Variants in NFIX observed in about 807,000 individuals in gnomAD.
NFIX encodes nuclear factor I X, also known as nuclear factor 1 X-type.
A neutral mutation model predicts 53.3 loss-of-function variants in NFIX; 2 were observed. That is an observed-to-expected ratio of 0.04 (90% CI 0.02 to 0.12). NFIX has a LOEUF of 0.12. Ranked by LOEUF, NFIX falls within the 10% of genes least tolerant of loss-of-function variation. NFIX has a pLI of 1.00. For synonymous variants in NFIX, 244 were observed against 289.0 expected (o/e 0.84, Z 1.58); for missense variants, 310 against 674.5 (o/e 0.46, Z 5.99).
At chr19:13,010,903 C>T (rs2012306197) in intron 1 of NFIX, among the ~76,000 whole-genome samples, 1 of 152,236 alleles carries the variant, frequency 6.6e-6, no homozygotes, top group Non-Finnish European at 1.5e-5. Flanking sequence ...CCCCATATGT[C>T]CCTGGGGCAC....
rs2011535813 is a variant in NFIX at position 12,998,175 on chromosome 19, TTCCATCTC to T, written c.27+2314_27+2321del. On this transcript the variant is annotated intron_variant, in intron 1 of 10. Transcript: ENST00000592199. This position sits in a 1 kb window ranked among gnomAD's most constrained non-coding sequence, Gnocchi z 4.4. ...TCGGTCTCTGGTGTATTCTGCCCTT[TTCCATCTC>T]TCTTTCTCCATCTCTGTCCTTTTGT... Among the ~76,000 whole-genome samples the T allele has an allele frequency of 6.6e-6, 1 of 152,176 alleles. No individual in the cohort carries two copies. The highest frequency in any genetic ancestry group is 1.5e-5 in the Non-Finnish European group (1 of 68,038).
Position 13,061,923 on chromosome 19 carries a change from C to T in NFIX, c.560-11124C>T, listed in dbSNP as rs373897596. On this transcript the variant is annotated intron_variant, in intron 2 of 10. Transcript: ENST00000592199. ...CAGCAGCAAGTCTAGGATTTGGAGC[C>T]TAGGCTTCTGATTCCAGGCCCAGGG... Among the ~76,000 whole-genome samples the T allele has an allele frequency of 4.6e-5, 7 of 152,246 alleles. No individual in the cohort carries two copies. The East Asian group carries it at 9.6e-4, about 21-fold the overall frequency.
intron 2 of NFIX, among the ~76,000 whole-genome samples, chr19:13,042,935 C>T (rs896047027): frequency 6.6e-6 from 1 of 152,210 alleles, no homozygotes; most frequent in African/African-American, 2.4e-5. Flanking sequence ...AAACTTGACA[C>T]CCTCAGGCAG....
Position 13,090,738 on chromosome 19 carries a change from T to G in NFIX, c.1494+348T>G, listed in dbSNP as rs1233099680. Among the ~76,000 whole-genome samples the G allele has an allele frequency of 1.3e-5, 2 of 152,160 alleles. No individual in the cohort carries two copies. The highest frequency in any genetic ancestry group is 2.9e-5 in the Non-Finnish European group (2 of 68,016). On this transcript the variant is annotated intron_variant, in intron 10 of 10. Coordinates refer to ENST00000592199, the MANE Select transcript of NFIX (RefSeq NM_001365902.3). The surrounding 1 kb of genome is among the most constrained non-coding windows in gnomAD (Gnocchi z 6.6). ...AGGAGAATAGAGTCTGCCTCACTGCTTTCACCTGCCCCGACTGGAAGCCCC... is the reference window on the plus strand; with the variant it reads ...AGGAGAATAGAGTCTGCCTCACTGCGTTCACCTGCCCCGACTGGAAGCCCC...
In NFIX at chr19:13,095,286, C is replaced by T. The variant is rs971493216; in HGVS notation, c.*637C>T. ...GCAGCCTCCACTTACCCCACCCCAC[C>T]CTTGGGCTAAAAGCCCCCAGGCGGG... On this transcript the variant is annotated 3_prime_UTR_variant, in exon 11 of 11. Transcript: ENST00000592199. 2 of 152,304 alleles carry T rather than the reference C, an allele frequency of 1.3e-5. No individual in the cohort carries two copies. Among genetic ancestry groups the T allele is most frequent in the Non-Finnish European group, 2.9e-5 (2 of 68,162 alleles). The allele number at this position is 152,304 out of a possible 1,614,324, so 9.4% of individuals were successfully genotyped here.
intron 5 of NFIX, among the ~76,000 whole-genome samples, chr19:13,075,333 C>T (rs2145441237): frequency 6.6e-6 from 1 of 152,188 alleles, no homozygotes; most frequent in East Asian, 1.9e-4. Context: ...GGAAGAGGAG[C>T]AGGTTGAAGC....
rs1484494112 is a variant in NFIX at position 13,078,656 on chromosome 19, T to C, written c.999T>C (p.Ser333=). The C allele has an allele frequency of 1.9e-6, 3 of 1,600,474 alleles. No individual in the cohort carries two copies. Among genetic ancestry groups the C allele is most frequent in the Admixed American group, 3.4e-5 (2 of 58,290 alleles). ...AGTCAGGAAAGCTGGACTTCTGCAG[T>C]GCCCTCTCCTCTCAGGGCAGCTCCC... ...LKKSGKLDFC[S]ALSSQGSSPR... The change falls in exon 7 of 11, where the codon AGT becomes AGC. Residue 333 remains serine (S), a synonymous_variant. Coordinates refer to ENST00000592199, the MANE Select transcript of NFIX (RefSeq NM_001365902.3). The surrounding 1 kb of genome is among the most constrained non-coding windows in gnomAD (Gnocchi z 4.7).
chr19:13,026,601 C>T (rs535510717), intron 2 of NFIX, among the ~76,000 whole-genome samples: 2 of 152,254 alleles, frequency 1.3e-5, no homozygotes, highest in African/African-American at 2.4e-5. Flanking sequence ...TTAGCCTCCA[C>T]TCAGCTACGC....
At chr19:13,018,338 G>T (rs994590439) in intron 1 of NFIX, among the ~76,000 whole-genome samples, 1 of 69,926 alleles carries the variant, frequency 1.4e-5, no homozygotes, top group Admixed American at 1.2e-4. Context: ...GAAGGGGCGG[G>T]GGGGGGGGGG....
chr19:13,050,884 C>T (rs182661460), intron 2 of NFIX, among the ~76,000 whole-genome samples: 1 of 152,352 alleles, frequency 6.6e-6, no homozygotes, highest in East Asian at 1.9e-4. Flanking sequence ...TCCCTTCACT[C>T]CTCTAAGCAT....
intron 2 of NFIX, among the ~76,000 whole-genome samples, chr19:13,032,530 T>A (rs1250537721): frequency 1.3e-5 from 2 of 152,214 alleles, no homozygotes; most frequent in African/African-American, 4.8e-5. Flanking sequence ...TATTTTTCCT[T>A]TTTTGTCCCA....
intron 2 of NFIX, among the ~76,000 whole-genome samples, chr19:13,044,650 T>A (rs1439456470): frequency 6.6e-6 from 1 of 152,112 alleles, no homozygotes; most frequent in East Asian, 1.9e-4. Context: ...TCAGAGGGCG[T>A]GCATGCTTGT....
At chr19:13,074,846 G>A (rs1256187503) in intron 5 of NFIX, among the ~76,000 whole-genome samples, 3 of 151,902 alleles carry the variant, frequency 2.0e-5, no homozygotes, top group Non-Finnish European at 4.4e-5. Flanking sequence ...GAGATGGGCG[G>A]ATCACGAGGT....
chr19:13,019,136 TAAAG>T (rs1166760418), intron 1 of NFIX, among the ~76,000 whole-genome samples: 1 of 151,184 alleles, frequency 6.6e-6, no homozygotes, highest in Non-Finnish European at 1.5e-5. Context: ...TTTTTTAAGA[TAAAG>T]AAGGCTACTA....
Position 13,009,055 on chromosome 19 carries a change from C to T in NFIX, c.27+13191C>T, listed in dbSNP as rs922620355. Among the ~76,000 whole-genome samples the T allele has an allele frequency of 6.6e-6, 1 of 152,328 alleles. No homozygotes were observed. Among genetic ancestry groups the T allele is most frequent in the South Asian group, 2.1e-4 (1 of 4,828 alleles). On this transcript the variant is annotated intron_variant, in intron 1 of 10. Coordinates refer to ENST00000592199, the MANE Select transcript of NFIX (RefSeq NM_001365902.3). This position sits in a 1 kb window ranked among gnomAD's most constrained non-coding sequence, Gnocchi z 4.7. ...CTCATCCCCACTCACAGTCAACGCC[C>T]GCAACACCCCGCCACCCGCAGTCTG...
rs1555696806 is a variant in NFIX at position 13,026,744 on chromosome 19, C to CTGTT, written c.559+1195_559+1196insTTGT. On this transcript the variant is annotated intron_variant, in intron 2 of 10. Coordinates refer to ENST00000592199, the MANE Select transcript of NFIX (RefSeq NM_001365902.3). ...AACCTTTCTCTCTCTCTCTCTCTCTCTGTGTGTGTGTGTGTGTGTGTGTGT... is the reference window on the plus strand; with the variant it reads ...AACCTTTCTCTCTCTCTCTCTCTCTCTGTTTGTGTGTGTGTGTGTGTGTGTGTGT... Among the ~76,000 whole-genome samples the CTGTT allele has an allele frequency of 6.7e-4, 100 of 150,014 alleles. 1 individual carries two copies. The highest frequency in any genetic ancestry group is 1.5e-3 in the South Asian group (7 of 4,752).
At chr19:13,007,187 C>A (rs1172483067) in intron 1 of NFIX, among the ~76,000 whole-genome samples, 2 of 152,058 alleles carry the variant, frequency 1.3e-5, no homozygotes, top group Non-Finnish European at 2.9e-5. Flanking sequence ...CCTCCCCCCC[C>A]ATAGGCGCCA....
At chr19:13,079,017 C>A (rs1391916057) in intron 7 of NFIX, among the ~76,000 whole-genome samples, 1 of 152,230 alleles carries the variant, frequency 6.6e-6, no homozygotes, top group Non-Finnish European at 1.5e-5. Context: ...CAAGCCTGTC[C>A]CGAGTCCTCC....
chr19:13,046,435 C>A (rs1015769324), intron 2 of NFIX, among the ~76,000 whole-genome samples: 5 of 152,106 alleles, frequency 3.3e-5, no homozygotes, highest in African/African-American at 4.8e-5. Flanking sequence ...CGTTTCACAC[C>A]GAGTCCCTAA....
Sources: allele counts gnomAD v4.1 joint callset (sites outside exome capture counted in the v4.1 genomes callset), GRCh38; gene constraint gnomAD v4.1.1; non-coding constraint Gnocchi (gnomAD v3.1); transcripts MANE v1.5; gene names NCBI Gene and HGNC (gene_info 2026-07-23, HGNC 2026-07-21).